The following ST7 variants were observed in gnomAD, a reference collection of about 807,000 sequenced individuals.
The protein encoded by ST7 is suppressor of tumorigenicity 7 protein.
A neutral mutation model predicts 78.7 loss-of-function variants in ST7; 28 were observed. The ratio of observed to expected loss-of-function variants is 0.36; its 90% confidence interval spans 0.26 to 0.49. The LOEUF is 0.49. ST7 is among the 20% of genes least tolerant of loss of function. ST7 has a pLI of 0.99. For synonymous variants in ST7, 247 were observed against 249.6 expected (o/e 0.99, Z 0.10); for missense variants, 418 against 696.0 (o/e 0.60, Z 4.49).
chr7:116,973,099 C>T (rs1329361033), intron 1 of ST7, among the ~76,000 whole-genome samples: 2 of 151,570 alleles, frequency 1.3e-5, no homozygotes, highest in Admixed American at 6.6e-5. Flanking sequence ...CACATTTTTC[C>T]AGTTTTGGTC....
chr7:117,192,216 A>T (rs932797669), intron 12 of ST7, among the ~76,000 whole-genome samples: 2 of 152,230 alleles, frequency 1.3e-5, no homozygotes, highest in African/African-American at 4.8e-5. Flanking sequence ...TGAAAAAATT[A>T]TCCTGAATTA....
intron 1 of ST7, among the ~76,000 whole-genome samples, chr7:117,049,989 G>A (rs1403003334): frequency 1.3e-5 from 2 of 151,256 alleles, no homozygotes; most frequent in African/African-American, 4.9e-5. Context: ...GGTGGATCAC[G>A]AGATCAGGAG....
chr7:117,105,758 T>C (rs1801902277), intron 2 of ST7, among the ~76,000 whole-genome samples: 1 of 152,238 alleles, frequency 6.6e-6, no homozygotes, highest in Admixed American at 6.5e-5. Flanking sequence ...AGGTGGTAGA[T>C]ATTCCAGTGA....
Position 117,170,930 on chromosome 7 carries a change from A to G in ST7, c.1032A>G (p.Glu344=), listed in dbSNP as rs1807940049. The change falls in exon 10 of 16, where the codon GAA becomes GAG. Residue 344 remains glutamate (E), a synonymous_variant. Coordinates refer to ENST00000323984, the MANE Select transcript of ST7 (RefSeq NM_001369598.1). ...IHENLLEALL[E]LQAYADVQAV... ...AAAACCTTTTAGAAGCCCTTCTGGAACTACAAGCATATGCTGATGTTCAGG... is the reference window on the plus strand; with the variant it reads ...AAAACCTTTTAGAAGCCCTTCTGGAGCTACAAGCATATGCTGATGTTCAGG... 1.2e-6 allele frequency: 2 copies of G among 1,612,506 alleles called. No individual in the cohort carries two copies. The highest frequency in any genetic ancestry group is 2.2e-5 in the East Asian group (1 of 44,804).
At chr7:116,955,211 A>G in intron 1 of ST7, 2 of 430,028 alleles carry the variant, frequency 4.7e-6, no homozygotes, top group Middle Eastern at 3.7e-4. Flanking sequence ...AAGTTGTTTG[A>G]ATATATGTTT....
At position 117,109,591 on chromosome 7, in the gene ST7, C is replaced by T. The variant is rs192815882; in HGVS notation, c.234+9747C>T. The stretch of plus-strand genomic sequence containing the variant: ...AAAAAAAAGTCCAGGACCAGATAGA[C>T]TCACAGCTGAATTCTATCAGACATT... On this transcript the variant is annotated intron_variant, in intron 2 of 15. Coordinates refer to ENST00000323984, the MANE Select transcript of ST7 (RefSeq NM_001369598.1). Among the ~76,000 whole-genome samples the T allele has an allele frequency of 9.6e-4, 146 of 152,224 alleles. 1 individual carries two copies. Among genetic ancestry groups the T allele is most frequent in the Middle Eastern group, 3.4e-3 (1 of 294 alleles).
chr7:117,062,501 C>T (rs148849303), intron 1 of ST7, among the ~76,000 whole-genome samples: 2 of 152,284 alleles, frequency 1.3e-5, no homozygotes, highest in East Asian at 1.9e-4. Flanking sequence ...ATCATACTTT[C>T]GTAGTAGTCT....
intron 9 of ST7, chr7:117,146,200 T>C (rs1468610269): frequency 2.6e-5 from 4 of 152,152 alleles, no homozygotes; most frequent in African/African-American, 9.7e-5. Context: ...TTGAGGAAGT[T>C]GTGATATCAC....
At chr7:117,039,800 G>A (rs1018561361) in intron 1 of ST7, among the ~76,000 whole-genome samples, 1 of 152,054 alleles carries the variant, frequency 6.6e-6, no homozygotes, top group African/African-American at 2.4e-5. Context: ...CCTTGCTTAG[G>A]CTGAGATCTT....
At chr7:117,134,445 G>A (rs1804618231) in intron 7 of ST7, among the ~76,000 whole-genome samples, 1 of 151,888 alleles carries the variant, frequency 6.6e-6, no homozygotes, top group Admixed American at 6.6e-5. Context: ...CCAAACTCAT[G>A]CGTTTCCACA....
At chr7:117,091,966 T>C (rs1800649098) in intron 1 of ST7, among the ~76,000 whole-genome samples, 1 of 152,314 alleles carries the variant, frequency 6.6e-6, no homozygotes, top group Admixed American at 6.5e-5. Context: ...GGCTTGAGTT[T>C]CTGACTGGCT....
In ST7 at chr7:117,196,624, C is replaced by CTTTTTTTTTTT. The variant is rs56133709; in HGVS notation, c.1254+5705_1254+5715dup. On this transcript the variant is annotated intron_variant, in intron 12 of 15. Coordinates refer to ENST00000323984, the MANE Select transcript of ST7 (RefSeq NM_001369598.1). ...TAAATCAGATAATCAGATTGTTGGGCTTTTTTTTTTTTTTTTTTTTTTTTT... is the reference window on the plus strand; with the variant it reads ...TAAATCAGATAATCAGATTGTTGGGCTTTTTTTTTTTTTTTTTTTTTTTTTTTTTTTTTTTT... 1.5e-4 allele frequency among the ~76,000 whole-genome samples: 9 copies of CTTTTTTTTTTT among 59,504 alleles called. 1 individual carries two copies. Among genetic ancestry groups the CTTTTTTTTTTT allele is most frequent in the African/African-American group, 4.6e-4 (7 of 15,366 alleles). 39.0% of individuals were successfully genotyped at this position (59,504 alleles called of 152,430 possible).
chr7:116,965,725 C>T (rs2116208637), intron 1 of ST7: 1 of 152,280 alleles, frequency 6.6e-6, no homozygotes, highest in East Asian at 1.9e-4. Context: ...TCAGTTTTAA[C>T]CAAGAGAATA....
chr7:116,997,246 G>A (rs186072882), intron 1 of ST7, among the ~76,000 whole-genome samples: 5,236 of 152,228 alleles, frequency 0.034, 118 homozygotes, highest in Non-Finnish European at 0.052. Context: ...AAAGAACAAA[G>A]CTTCCACAGT....
At position 117,099,805 on chromosome 7, in the gene ST7, C is replaced by T; in HGVS notation, c.195C>T (p.Ala65=). 1.2e-6 allele frequency: 2 copies of T among 1,613,486 alleles called. No homozygotes were observed. The highest frequency in any genetic ancestry group is 1.7e-6 in the Non-Finnish European group (2 of 1,179,768). The part of the protein sequence containing the change: ...LNTLTPKFYV[A]LTGTSSLISG... ...CATTAACACCGAAGTTCTACGTGGC[C>T]CTAACAGGCACTTCCTCACTAATAT... Residue 65 remains alanine (A), a synonymous_variant, in exon 2 of 16, where the codon GCC becomes GCT. Transcript: ENST00000323984.
chr7:117,182,347 G>A (rs1808837638), intron 10 of ST7, among the ~76,000 whole-genome samples: 1 of 152,140 alleles, frequency 6.6e-6, no homozygotes, highest in African/African-American at 2.4e-5. Context: ...GATGATAATG[G>A]TCATTTAGGG....
chr7:117,144,059 G>T (rs1276531179), intron 9 of ST7: 1 of 152,040 alleles, frequency 6.6e-6, no homozygotes, highest in Non-Finnish European at 1.5e-5. Context: ...TAAAATAATG[G>T]TTACAAATAC....
rs562586482 is a variant in ST7, at chr7:117,219,080, T to C, written c.1406-4T>C. 4.4e-6 allele frequency: 7 copies of C among 1,609,186 alleles called. No homozygotes were observed. In the African/African-American group the frequency reaches 8.0e-5, roughly 18 times the overall value. On this transcript the variant is annotated splice_polypyrimidine_tract_variant and splice_region_variant and intron_variant, in intron 13 of 15. Coordinates refer to ENST00000323984, the MANE Select transcript of ST7 (RefSeq NM_001369598.1). This position sits in a 1 kb window ranked among gnomAD's most constrained non-coding sequence, Gnocchi z 5.1. ...ATCTCTGACATATTTTTTCTCGTTT[T>C]CAGCTTTTCGGATGATCCCTTATCC... is the stretch of plus-strand genomic sequence containing the variant.
chr7:117,071,363 T>TA (rs1041097821), intron 1 of ST7, among the ~76,000 whole-genome samples: 72 of 147,654 alleles, frequency 4.9e-4, no homozygotes, highest in African/African-American at 6.9e-4. Context: ...ATCCTGCACT[T>TA]AAAAAAAAAA....
Sources: allele counts gnomAD v4.1 joint callset (sites outside exome capture counted in the v4.1 genomes callset), GRCh38; gene constraint gnomAD v4.1.1; non-coding constraint Gnocchi (gnomAD v3.1); transcripts MANE v1.5; gene names NCBI Gene and HGNC (gene_info 2026-07-23, HGNC 2026-07-21).